VPS50: variants seen among roughly 807,000 people sequenced by gnomAD.
VPS50 encodes VPS50 subunit of EARP/GARPII complex.
VPS50 carries 70 observed loss-of-function variants against 139.7 expected under a neutral mutation model. That is an observed-to-expected ratio of 0.50 (90% CI 0.41 to 0.61). VPS50 has a LOEUF of 0.61. Ranked by LOEUF, VPS50 falls within the 20% of genes least tolerant of loss-of-function variation. The probability of loss-of-function intolerance (pLI) is 0.00; values close to 1 mark genes in which losing one functional copy is unlikely to be tolerated. For synonymous variants in VPS50, 365 were observed against 376.7 expected (o/e 0.97, Z 0.36); for missense variants, 921 against 1,133.7 (o/e 0.81, Z 2.69).
At chr7:93,281,096 A>C (rs1329789454) in intron 12 of VPS50, among the ~76,000 whole-genome samples, 3 of 152,166 alleles carry the variant, frequency 2.0e-5, no homozygotes, top group Non-Finnish European at 2.9e-5. Context: ...GAGTCTGTTT[A>C]GGTTAAGTGA....
Position 93,323,738 on chromosome 7 carries a change from TC to T in VPS50, c.1977+8del. The T allele has an allele frequency of 7.2e-7, 1 of 1,397,596 alleles. No individual in the cohort carries two copies. Among genetic ancestry groups the T allele is most frequent in the Non-Finnish European group, 9.6e-7 (1 of 1,045,898 alleles). 86.6% of individuals were successfully genotyped at this position (1,397,596 alleles called of 1,614,324 possible). On this transcript the variant is annotated splice_region_variant and intron_variant, in intron 21 of 27. Transcript: ENST00000305866. ...TTTTTGGTCGGAATGATTCAGTAAG[TC>T]CACCTTTAGAGGGAAAAAAATCTTT...
intron 12 of VPS50, among the ~76,000 whole-genome samples, chr7:93,280,349 G>C (rs927322548): frequency 1.3e-5 from 2 of 151,950 alleles, no homozygotes; most frequent in Non-Finnish European, 2.9e-5. Context: ...AAAAAAGTAG[G>C]TACATTATTT....
Position 93,239,914 on chromosome 7 carries a change from A to C in VPS50, c.82A>C (p.Ser28Arg). 4.4e-6 allele frequency: 7 copies of C among 1,604,150 alleles called. No individual in the cohort carries two copies. Among genetic ancestry groups the C allele is most frequent in the Non-Finnish European group, 5.1e-6 (6 of 1,171,392 alleles). Residue 28 changes from serine (S) to arginine (R), a missense_variant, in exon 2 of 28, where the codon AGT (serine) becomes CGT (arginine). Physicochemically the swap from Ser to Arg is moderately radical, Grantham distance 110. Coordinates refer to ENST00000305866, the MANE Select transcript of VPS50 (RefSeq NM_017667.4). ...CCTCAGTGATCTTGGTGCCATAGAG[A>C]GTCTCCGGGTCCCTGGAAAGGTATT... is the stretch of plus-strand genomic sequence containing the variant. ...ESLSDLGAIESLRVPGKEEFR... is the reference protein window; with the variant it reads ...ESLSDLGAIERLRVPGKEEFR...
chr7:93,285,300 C>A (rs974623556), intron 12 of VPS50, among the ~76,000 whole-genome samples: 1 of 151,984 alleles, frequency 6.6e-6, no homozygotes, highest in East Asian at 1.9e-4. Flanking sequence ...TAAATCAAAA[C>A]GTGGAATAAG....
intron 21 of VPS50, among the ~76,000 whole-genome samples, chr7:93,333,172 T>C (rs1797983516): frequency 6.6e-6 from 1 of 152,180 alleles, no homozygotes; most frequent in African/African-American, 2.4e-5. Flanking sequence ...ATAAAATGTA[T>C]TAAATATTAT....
chr7:93,295,611 T>G (rs1394360607), intron 14 of VPS50, among the ~76,000 whole-genome samples: 2 of 152,222 alleles, frequency 1.3e-5, no homozygotes. Context: ...TCTTTGAACC[T>G]TGGAAGACTA....
intron 5 of VPS50, 133 bp from the exon 6 acceptor site, chr7:93,257,261 G>T: frequency 1.8e-6 from 1 of 565,060 alleles, no homozygotes; most frequent in Non-Finnish European, 3.1e-6. Context: ...TCAAGTTCAG[G>T]TATTTTTGTT....
chr7:93,251,407 C>T (rs1331632806), intron 2 of VPS50, among the ~76,000 whole-genome samples: 2 of 151,538 alleles, frequency 1.3e-5, no homozygotes, highest in South Asian at 4.2e-4. Flanking sequence ...GCGTCATTCA[C>T]AGCAAACTAA....
intron 16 of VPS50, among the ~76,000 whole-genome samples, chr7:93,299,061 A>C (rs901824441): frequency 6.6e-6 from 1 of 152,164 alleles, no homozygotes; most frequent in East Asian, 1.9e-4. Flanking sequence ...CAGGTTAAAC[A>C]GCAAAAATTT....
intron 12 of VPS50, 125 bp downstream of exon 12, chr7:93,276,430 T>C: frequency 7.5e-7 from 1 of 1,328,190 alleles, no homozygotes; most frequent in Non-Finnish European, 9.7e-7. Flanking sequence ...TGCCAAAAAT[T>C]TTTTTTCTCC....
At position 93,242,773 on chromosome 7, in the gene VPS50, A is replaced by G. The variant is rs1795033480; in HGVS notation, c.102+2839A>G. 2.0e-5 allele frequency among the ~76,000 whole-genome samples: 3 copies of G among 151,934 alleles called. No homozygotes were observed. In the South Asian group the frequency reaches 6.2e-4, roughly 31 times the overall value. On this transcript the variant is annotated intron_variant, in intron 2 of 27. Transcript: ENST00000305866. Reference sequence around the variant, plus strand: ...TTAGGACAGGGAATTGAGAGATTTCAGTGGCATTTTCAAGAAAGAAATAGG... The same window carrying G: ...TTAGGACAGGGAATTGAGAGATTTCGGTGGCATTTTCAAGAAAGAAATAGG...
intron 15 of VPS50, 48 bp downstream of exon 15, chr7:93,296,884 A>G: frequency 1.3e-6 from 2 of 1,535,132 alleles, no homozygotes; most frequent in South Asian, 2.5e-5. Context: ...TCATTCAACC[A>G]TGATAAATCA....
intron 27 of VPS50, among the ~76,000 whole-genome samples, chr7:93,356,607 A>G (rs1214890582): frequency 6.6e-6 from 1 of 152,182 alleles, no homozygotes; most frequent in Non-Finnish European, 1.5e-5. Flanking sequence ...TACCTTTAAT[A>G]TAGATTTGAT....
chr7:93,277,097 G>A (rs1796180111), intron 12 of VPS50, among the ~76,000 whole-genome samples: 3 of 152,132 alleles, frequency 2.0e-5, no homozygotes, highest in Non-Finnish European at 4.4e-5. Context: ...AAATAAAGAA[G>A]ACATGAGGGC....
At chr7:93,325,452 G>A (rs991984433) in intron 21 of VPS50, among the ~76,000 whole-genome samples, 13 of 151,886 alleles carry the variant, frequency 8.6e-5, no homozygotes, top group Admixed American at 2.0e-4. Context: ...TGACAAATGG[G>A]ATCTAATTAA....
chr7:93,360,029 T>C lies in VPS50; in HGVS notation c.*1593T>C, dbSNP rs933137159. 4 of 152,196 alleles carry C rather than the reference T, an allele frequency of 2.6e-5. No individual in the cohort carries two copies. Among genetic ancestry groups the C allele is most frequent in the African/African-American group, 9.6e-5 (4 of 41,464 alleles). 9.4% of individuals were successfully genotyped at this position (152,196 alleles called of 1,614,324 possible). On this transcript the variant is annotated 3_prime_UTR_variant, in exon 28 of 28. Transcript: ENST00000305866. ...ATTCTGCCTGTAGCCATTATTTATA[T>C]GCAGCCACTTGAAGAAAACAAACAT...
chr7:93,281,942 C>T (rs185279985), intron 12 of VPS50, among the ~76,000 whole-genome samples: 8 of 152,288 alleles, frequency 5.3e-5, no homozygotes, highest in Admixed American at 4.6e-4. Flanking sequence ...CGGTGGCTCA[C>T]GCCTGTAATC....
intron 12 of VPS50, among the ~76,000 whole-genome samples, chr7:93,290,106 G>A (rs986144128): frequency 6.6e-6 from 1 of 151,914 alleles, no homozygotes; most frequent in Non-Finnish European, 1.5e-5. Context: ...AATGCCATTG[G>A]TTTGGGCATG....
At chr7:93,292,892 C>T (rs947560650) in intron 13 of VPS50, among the ~76,000 whole-genome samples, 2 of 152,072 alleles carry the variant, frequency 1.3e-5, no homozygotes, top group African/African-American at 2.4e-5. Flanking sequence ...AGCCAGGATT[C>T]CAGGTCAGAC....
Sources: allele counts gnomAD v4.1 joint callset (sites outside exome capture counted in the v4.1 genomes callset), GRCh38; gene constraint gnomAD v4.1.1; transcripts MANE v1.5; gene names NCBI Gene and HGNC (gene_info 2026-07-23, HGNC 2026-07-21).